MEIKIN: variants seen among roughly 807,000 people sequenced by gnomAD.
MEIKIN encodes meiotic kinetochore factor, also known as meiosis-specific kinetochore protein.
At chr5:131,856,014 T>C (rs772823778) in intron 9 of MEIKIN, among the ~76,000 whole-genome samples, 2 of 152,228 alleles carry the variant, frequency 1.3e-5, no homozygotes, top group East Asian at 3.8e-4. Context: ...GTCTGGAATC[T>C]TACTTTCAAC....
At chr5:131,841,190 G>T (rs560495129) in intron 11 of MEIKIN, among the ~76,000 whole-genome samples, 1 of 152,236 alleles carries the variant, frequency 6.6e-6, no homozygotes, top group South Asian at 2.1e-4. Context: ...TTGTTCTCTG[G>T]CTCCTCAAGG....
At chr5:131,856,880 T>A (rs936593698) in intron 9 of MEIKIN, among the ~76,000 whole-genome samples, 1 of 151,604 alleles carries the variant, frequency 6.6e-6, no homozygotes, top group African/African-American at 2.4e-5. Context: ...TTCTTATCAA[T>A]GCAGGTTTTG....
intron 9 of MEIKIN, among the ~76,000 whole-genome samples, chr5:131,858,495 C>A (rs950972909): frequency 6.6e-6 from 1 of 152,054 alleles, no homozygotes; most frequent in African/African-American, 2.4e-5. Flanking sequence ...AGAAAACCAA[C>A]AAAATACCAT....
At chr5:131,859,792 T>C (rs1431141607) in intron 9 of MEIKIN, among the ~76,000 whole-genome samples, 1 of 152,196 alleles carries the variant, frequency 6.6e-6, no homozygotes, top group Non-Finnish European at 1.5e-5. Context: ...TTTCTGAGCA[T>C]CGTTTACTGG....
At chr5:131,882,153 A>G (rs1750711236) in intron 8 of MEIKIN, among the ~76,000 whole-genome samples, 1 of 152,188 alleles carries the variant, frequency 6.6e-6, no homozygotes, top group African/African-American at 2.4e-5. Context: ...AAATCAGACC[A>G]CTGCTACCAT....
intron 5 of MEIKIN, among the ~76,000 whole-genome samples, chr5:131,923,287 T>C (rs530223101): frequency 2.0e-5 from 3 of 152,346 alleles, no homozygotes; most frequent in African/African-American, 4.8e-5. Context: ...TCTAATGCTG[T>C]GCCTTGGTGT....
chr5:131,813,155 C>A (rs1467688504), intron 12 of MEIKIN, among the ~76,000 whole-genome samples: 1 of 152,214 alleles, frequency 6.6e-6, no homozygotes, highest in Non-Finnish European at 1.5e-5. Flanking sequence ...GGCTACATTA[C>A]CTTTTTTCTC....
intron 7 of MEIKIN, among the ~76,000 whole-genome samples, 185 bp from the exon 8 acceptor site, chr5:131,912,064 T>C (rs1318811506): frequency 2.0e-5 from 3 of 152,064 alleles, no homozygotes; most frequent in Non-Finnish European, 2.9e-5. Context: ...AAAGGCAATA[T>C]ATTTATACAT....
intron 5 of MEIKIN, among the ~76,000 whole-genome samples, chr5:131,924,890 C>T (rs1026737289): frequency 1.2e-4 from 19 of 152,136 alleles, no homozygotes; most frequent in Admixed American, 9.2e-4. Flanking sequence ...CACGAAATCA[C>T]TGCTAAGACT....
In MEIKIN at chr5:131,846,183, T is replaced by A. The variant is rs371403450; in HGVS notation, c.975+5081A>T. ...TATCCTACATCCAGTAAAACTGTCC[T>A]TCAAAAATGAGGGAGAAATTAAGAC... On this transcript the variant is annotated intron_variant, in intron 11 of 12. Transcript: ENST00000442687. Among the ~76,000 whole-genome samples the A allele has an allele frequency of 2.7e-4, 41 of 152,306 alleles. 2 individuals are homozygous for A. In the East Asian group the frequency reaches 3.3e-3, roughly 12 times the overall value.
intron 12 of MEIKIN, among the ~76,000 whole-genome samples, chr5:131,811,376 G>T (rs1217670246): frequency 2.0e-5 from 3 of 149,650 alleles, no homozygotes; most frequent in African/African-American, 7.4e-5. Context: ...TTATTTTTGA[G>T]ACGGAGTCTC....
At chr5:131,814,574 C>G (rs4705902) in intron 12 of MEIKIN, among the ~76,000 whole-genome samples, 119,325 of 151,978 alleles carry the variant, frequency 0.79, 47,079 homozygotes, top group African/African-American at 0.83. Flanking sequence ...ATCACACCCA[C>G]CCAGGACAGA....
At chr5:131,927,353 T>C (rs1433091886) in intron 5 of MEIKIN, among the ~76,000 whole-genome samples, 1 of 152,228 alleles carries the variant, frequency 6.6e-6, no homozygotes, top group Admixed American at 6.5e-5. Context: ...TTTTCAGTCT[T>C]CCATTTGTTA....
intron 8 of MEIKIN, among the ~76,000 whole-genome samples, chr5:131,902,022 C>A (rs1259471089): frequency 6.6e-6 from 1 of 152,154 alleles, no homozygotes; most frequent in East Asian, 1.9e-4. Context: ...ATAGTGAGTT[C>A]TCATGAGATC....
At chr5:131,931,126 C>T (rs954632607) in intron 5 of MEIKIN, among the ~76,000 whole-genome samples, 1 of 152,166 alleles carries the variant, frequency 6.6e-6, no homozygotes, top group African/African-American at 2.4e-5. Flanking sequence ...TATGAATAAG[C>T]CTACCCAGGG....
chr5:131,848,821 C>T (rs775980578), intron 11 of MEIKIN, among the ~76,000 whole-genome samples: 5 of 151,952 alleles, frequency 3.3e-5, no homozygotes, highest in Non-Finnish European at 5.9e-5. Flanking sequence ...TATTATAGGC[C>T]ACAACTAAAT....
intron 9 of MEIKIN, among the ~76,000 whole-genome samples, chr5:131,871,334 G>A (rs1021787119): frequency 2.6e-5 from 4 of 152,182 alleles, no homozygotes; most frequent in Non-Finnish European, 4.4e-5. Flanking sequence ...CTTAAAAAAC[G>A]GCACACCAGG....
At chr5:131,865,077 T>A (rs1252820130) in intron 9 of MEIKIN, among the ~76,000 whole-genome samples, 1 of 152,196 alleles carries the variant, frequency 6.6e-6, no homozygotes, top group Non-Finnish European at 1.5e-5. Flanking sequence ...GGTTCTTTTT[T>A]CAATAATATC....
intron 11 of MEIKIN, among the ~76,000 whole-genome samples, chr5:131,842,560 GT>G (rs1749933917): frequency 6.6e-6 from 1 of 151,480 alleles, no homozygotes; most frequent in Non-Finnish European, 1.5e-5. Context: ...ATGATAATAC[GT>G]TTTTTCTTCT....
Sources: gnomAD v4.1 joint callset for allele counts (sites outside exome capture counted in the v4.1 genomes callset) on GRCh38, gnomAD v4.1.1 for gene constraint, MANE v1.5 for transcripts, NCBI Gene and HGNC (gene_info 2026-07-23, HGNC 2026-07-21) for gene names.